Variants in KAT6B observed in about 807,000 individuals in gnomAD.
KAT6B encodes the protein histone acetyltransferase KAT6B.
In KAT6B, 10 loss-of-function variants were observed where a neutral mutation model predicts 187.5. That is an observed-to-expected ratio of 0.05 (90% CI 0.03 to 0.09). The LOEUF is 0.09. Among genes scored for constraint, KAT6B ranks in the 10% least tolerant of loss-of-function variants. The pLI is 1.00. For synonymous variants in KAT6B, 861 were observed against 926.8 expected (o/e 0.93, Z 1.29); for missense variants, 1,952 against 2,558.9 (o/e 0.76, Z 5.12).
chr10:74,902,177 C>G (rs552690294), intron 3 of KAT6B, among the ~76,000 whole-genome samples: 16 of 152,322 alleles, frequency 1.1e-4, no homozygotes, highest in African/African-American at 3.8e-4. Context: ...CATTTCTGTT[C>G]TCTCATGCCA....
rs575432317 is a variant in KAT6B at position 75,031,842 on chromosome 10, G to C, written c.*796G>C. The C allele has an allele frequency of 1.0e-5, 2 of 200,952 alleles. No homozygotes were observed. The highest frequency in any genetic ancestry group is 3.8e-4 in the South Asian group (2 of 5,226). 12.4% of individuals were successfully genotyped at this position (200,952 alleles called of 1,614,324 possible). A position where few individuals can be genotyped will look rare whatever the true frequency, so the allele number is the denominator to read the frequency against. ...TCTCAGTGTTTATCTGTCAGGTTTT[G>C]AAACATTTCATATATGTCCAAATAC... is the stretch of plus-strand genomic sequence containing the variant. On this transcript the variant is annotated 3_prime_UTR_variant, in exon 18 of 18. Coordinates refer to ENST00000287239, the MANE Select transcript of KAT6B (RefSeq NM_012330.4).
At chr10:75,016,209 C>A (rs1844965001) in intron 13 of KAT6B, among the ~76,000 whole-genome samples, 2 of 152,174 alleles carry the variant, frequency 1.3e-5, no homozygotes, top group African/African-American at 4.8e-5. Context: ...CTTTTATTTT[C>A]TCCCACTGGG....
chr10:74,853,500 C>A (rs979629660), intron 3 of KAT6B, among the ~76,000 whole-genome samples: 1 of 151,946 alleles, frequency 6.6e-6, no homozygotes, highest in South Asian at 2.1e-4. Flanking sequence ...CGCCACGTTG[C>A]CCAGGCTGGT....
At chr10:74,894,921 A>G (rs1845883434) in intron 3 of KAT6B, among the ~76,000 whole-genome samples, 1 of 152,188 alleles carries the variant, frequency 6.6e-6, no homozygotes, top group Non-Finnish European at 1.5e-5. Flanking sequence ...CTATATACCC[A>G]GAAGGGGATT....
At chr10:74,927,051 A>G (rs2133123892) in intron 3 of KAT6B, among the ~76,000 whole-genome samples, 1 of 152,376 alleles carries the variant, frequency 6.6e-6, no homozygotes, top group African/African-American at 2.4e-5. Context: ...TTACTGCACC[A>G]CTATAGTTCC....
rs1375789091 is a variant in KAT6B, at chr10:74,877,997, G to A, written c.621+34519G>A. ...TAAACAAATAAGAAATATATATATT[G>A]AAATGCAGTCTCCCTGAATGATGCT... On this transcript the variant is annotated intron_variant, in intron 3 of 17. Coordinates refer to ENST00000287239, the MANE Select transcript of KAT6B (RefSeq NM_012330.4). Among the ~76,000 whole-genome samples the A allele has an allele frequency of 2.6e-5, 4 of 151,984 alleles. No homozygotes were observed. In the South Asian group the frequency reaches 8.3e-4, roughly 32 times the overall value.
chr10:74,945,365 A>G (rs957080419), intron 3 of KAT6B, among the ~76,000 whole-genome samples: 3 of 152,210 alleles, frequency 2.0e-5, no homozygotes, highest in African/African-American at 7.2e-5. Flanking sequence ...GGGTCTGAAA[A>G]GGGAAGAGAA....
intron 3 of KAT6B, among the ~76,000 whole-genome samples, chr10:74,893,325 G>T (rs572390343): frequency 3.0e-4 from 46 of 152,264 alleles, no homozygotes; most frequent in Middle Eastern, 6.8e-3. Context: ...CCTCACTGCT[G>T]TTCTTAGGGG....
chr10:74,875,858 G>C (rs1046610878), intron 3 of KAT6B, among the ~76,000 whole-genome samples: 1 of 152,022 alleles, frequency 6.6e-6, no homozygotes, highest in Non-Finnish European at 1.5e-5. Flanking sequence ...ATTTTTTACT[G>C]TATGTACTGC....
chr10:74,861,000 G>C (rs1321944128), intron 3 of KAT6B, among the ~76,000 whole-genome samples: 1 of 152,160 alleles, frequency 6.6e-6, no homozygotes, highest in Non-Finnish European at 1.5e-5. Context: ...AGCCGGGCGT[G>C]GTGGCACATG....
rs148413814 is a variant in KAT6B, at chr10:74,845,482, A to G, written c.621+2004A>G. Among the ~76,000 whole-genome samples the G allele has an allele frequency of 6.1e-3, 896 of 146,942 alleles. 8 individuals are homozygous for G. The highest frequency in any genetic ancestry group is 9.8e-3 in the Non-Finnish European group (660 of 67,284). ...CGTTGCAGTGAGCTGAGATTGTGCC[A>G]CTGCACTCCAGCCTGGGTGACAGAG... On this transcript the variant is annotated intron_variant, in intron 3 of 17. Transcript: ENST00000287239.
intron 3 of KAT6B, among the ~76,000 whole-genome samples, chr10:74,914,403 G>C (rs1847494759): frequency 6.6e-6 from 1 of 152,102 alleles, no homozygotes; most frequent in South Asian, 2.1e-4. Flanking sequence ...CTGAAGAATT[G>C]TTATGTGGGT....
intron 3 of KAT6B, among the ~76,000 whole-genome samples, chr10:74,936,301 G>A (rs1200816799): frequency 6.6e-6 from 1 of 151,852 alleles, no homozygotes; most frequent in East Asian, 1.9e-4. Context: ...TACTCGGGAG[G>A]CTGAGGCAGG....
chr10:74,858,805 A>C (rs1392989662), intron 3 of KAT6B, among the ~76,000 whole-genome samples: 2 of 151,994 alleles, frequency 1.3e-5, no homozygotes, highest in African/African-American at 4.8e-5. Flanking sequence ...AAATGTAAAA[A>C]TTAGCTGGGC....
chr10:74,987,245 G>A (rs1842867864), intron 12 of KAT6B, among the ~76,000 whole-genome samples: 1 of 152,158 alleles, frequency 6.6e-6, no homozygotes, highest in Non-Finnish European at 1.5e-5. Context: ...AGACCATCCT[G>A]GCCAACATGG....
chr10:74,858,918 A>G (rs1380189729), intron 3 of KAT6B, among the ~76,000 whole-genome samples: 3 of 150,660 alleles, frequency 2.0e-5, no homozygotes, highest in East Asian at 4.1e-4. Flanking sequence ...TTGTGCCACT[A>G]TACTCCAGCC....
intron 1 of KAT6B, among the ~76,000 whole-genome samples, chr10:74,828,769 G>A (rs1322501800): frequency 1.3e-5 from 2 of 151,652 alleles, no homozygotes; most frequent in African/African-American, 2.4e-5. Flanking sequence ...GGGTTTCACC[G>A]TGTTAGCCAG....
At chr10:74,968,813 A>G (rs577095891) in intron 4 of KAT6B, among the ~76,000 whole-genome samples, 76 of 152,308 alleles carry the variant, frequency 5.0e-4, no homozygotes, top group African/African-American at 1.8e-3. Context: ...CACGCTCCGC[A>G]CACCTCTTGG....
At chr10:74,924,307 AATAAAGTGGCC>A (rs1339600549) in intron 3 of KAT6B, among the ~76,000 whole-genome samples, 1 of 152,198 alleles carries the variant, frequency 6.6e-6, no homozygotes, top group African/African-American at 2.4e-5. Flanking sequence ...AAAAACTATA[AATAAAGTGGCC>A]ATAATACGGC....
Sources: allele counts gnomAD v4.1 joint callset (sites outside exome capture counted in the v4.1 genomes callset), GRCh38; gene constraint gnomAD v4.1.1; transcripts MANE v1.5; gene names NCBI Gene and HGNC (gene_info 2026-07-23, HGNC 2026-07-21).